TADA2A: variants seen among roughly 807,000 people sequenced by gnomAD.
TADA2A encodes the protein transcriptional adapter 2-alpha.
Under a neutral mutation model 67.4 loss-of-function variants are expected in TADA2A, and 38 were observed. The observed-to-expected ratio is 0.56, with a 90% CI of 0.44 to 0.74. The LOEUF (loss-of-function observed/expected upper bound fraction) is 0.74, where lower values mean the gene tolerates loss of function less well. TADA2A is among the 30% of genes least tolerant of loss of function. The pLI is 0.00. For synonymous variants in TADA2A, 192 were observed against 181.6 expected, an observed-to-expected ratio of 1.06 and a Z score of -0.46; for missense variants, 454 against 547.0, an observed-to-expected ratio of 0.83 and a Z score of 1.70.
chr17:37,442,522 A>G (rs1376056146), intron 6 of TADA2A, 42 bp from the exon 7 acceptor site: 7 of 1,480,068 alleles, frequency 4.7e-6, no homozygotes, highest in African/African-American at 4.2e-5. Context: ...TTTCATGCCA[A>G]TATTGTATTA....
intron 2 of TADA2A, among the ~76,000 whole-genome samples, chr17:37,422,287 AC>A (rs2052261983): frequency 6.9e-6 from 1 of 144,726 alleles, no homozygotes; most frequent in Non-Finnish European, 1.5e-5. Context: ...CTCATGATCC[AC>A]CCGCCTCGGC....
intron 7 of TADA2A, among the ~76,000 whole-genome samples, chr17:37,443,964 C>G (rs2898657): frequency 0.24 from 37,021 of 151,998 alleles, 4,603 homozygotes; most frequent in Middle Eastern, 0.36. Context: ...TGGCCAAATG[C>G]GGTAGCTTAC....
In TADA2A at chr17:37,439,984, C is replaced by T. The variant is rs190379767; in HGVS notation, c.285-521C>T. ...TTGAGATGGAGTTTCGCTCTTGTTG[C>T]CCAGACTGGAGTGCAATGGCGTGAT... On this transcript the variant is annotated intron_variant, in intron 5 of 15. Coordinates refer to ENST00000615182, the MANE Select transcript of TADA2A (RefSeq NM_001166105.3). Among the ~76,000 whole-genome samples the T allele has an allele frequency of 4.3e-3, 631 of 145,708 alleles. 3 individuals are homozygous for T. The highest frequency in any genetic ancestry group is 7.0e-3 in the Non-Finnish European group (470 of 67,020).
intron 5 of TADA2A, among the ~76,000 whole-genome samples, chr17:37,438,338 G>T (rs537085102): frequency 2.0e-4 from 30 of 152,124 alleles, no homozygotes; most frequent in Non-Finnish European, 4.3e-4. Context: ...GTTGACCTAG[G>T]GGGCAGCACC....
chr17:37,467,606 A>G, intron 12 of TADA2A, 81 bp downstream of exon 12: 1 of 1,274,858 alleles, frequency 7.8e-7, no homozygotes, highest in South Asian at 1.3e-5. Flanking sequence ...ATTGTTGTGA[A>G]TTTTTTTTTA....
intron 3 of TADA2A, 59 bp downstream of exon 3, chr17:37,423,674 T>TCTCCGAAATATTAC: frequency 1.6e-6 from 2 of 1,267,896 alleles, no homozygotes; most frequent in Non-Finnish European, 2.2e-6. Flanking sequence ...TATGATGTAA[T>TCTCCGAAATATTAC]ATTTCGGAGA....
intron 2 of TADA2A, among the ~76,000 whole-genome samples, chr17:37,411,682 G>T (rs1460261224): frequency 6.6e-6 from 1 of 151,556 alleles, no homozygotes; most frequent in African/African-American, 2.4e-5. Context: ...CACCCACCTC[G>T]GCCTCCCAAA....
chr17:37,430,512 G>A (rs770830368), intron 4 of TADA2A, among the ~76,000 whole-genome samples: 1 of 152,142 alleles, frequency 6.6e-6, no homozygotes, highest in South Asian at 2.1e-4. Flanking sequence ...TGAATTCTAT[G>A]CCTATTTTTG....
chr17:37,454,695 G>T, intron 8 of TADA2A: 1 of 340,952 alleles, frequency 2.9e-6, no homozygotes, highest in Non-Finnish European at 6.0e-6. Flanking sequence ...AAAAGAACCT[G>T]CTGAGCAGTC....
intron 15 of TADA2A, among the ~76,000 whole-genome samples, chr17:37,475,084 A>G (rs1171308457): frequency 2.0e-5 from 3 of 152,198 alleles, no homozygotes; most frequent in Non-Finnish European, 4.4e-5. Flanking sequence ...TCTCCAGAGC[A>G]TGTTTATAAA....
chr17:37,419,346 T>C lies in TADA2A; in HGVS notation c.26-4163T>C, dbSNP rs377588258. On this transcript the variant is annotated intron_variant, in intron 2 of 15. Transcript: ENST00000615182. ...ACTGCACCTGCCTAATTTTGTGGGG[T>C]TTTTTTTTGTAGAGACATGGTTTCA... is the stretch of plus-strand genomic sequence containing the variant. Among the ~76,000 whole-genome samples the C allele has an allele frequency of 3.5e-5, 5 of 141,082 alleles. 1 individual carries two copies. The East Asian group carries it at 1.1e-3, about 32-fold the overall frequency. 92.6% of individuals were successfully genotyped at this position (141,082 alleles called of 152,430 possible).
chr17:37,475,389 G>A (rs1305798311), intron 15 of TADA2A, among the ~76,000 whole-genome samples: 1 of 152,036 alleles, frequency 6.6e-6, no homozygotes, highest in East Asian at 1.9e-4. Flanking sequence ...TGTTGGCCAG[G>A]CTGATCTTGA....
intron 5 of TADA2A, among the ~76,000 whole-genome samples, chr17:37,438,257 C>T (rs1279043466): frequency 6.6e-6 from 1 of 152,162 alleles, no homozygotes; most frequent in Non-Finnish European, 1.5e-5. Context: ...TGATAGCATT[C>T]TCTGTTTTTA....
At position 37,465,556 on chromosome 17, in the gene TADA2A, A is replaced by T; in HGVS notation, c.823+15A>T. 1.2e-6 allele frequency: 2 copies of T among 1,614,006 alleles called. No homozygotes were observed. Among genetic ancestry groups the T allele is most frequent in the Non-Finnish European group, 1.7e-6 (2 of 1,179,988 alleles). On this transcript the variant is annotated intron_variant, in intron 11 of 15. Coordinates refer to ENST00000615182, the MANE Select transcript of TADA2A (RefSeq NM_001166105.3). Reference sequence around the variant, plus strand: ...AAGCCATGCATGTAGGTGGTTTTTGAGCCTTGAGCAGTATTTGTGTGTGTA... The same window carrying T: ...AAGCCATGCATGTAGGTGGTTTTTGTGCCTTGAGCAGTATTTGTGTGTGTA...
intron 8 of TADA2A, among the ~76,000 whole-genome samples, chr17:37,451,435 C>T (rs1568167147): frequency 1.3e-5 from 2 of 151,546 alleles, no homozygotes. Flanking sequence ...CCTCCCACCT[C>T]AGCCTCCCAA....
intron 2 of TADA2A, 131 bp from the exon 3 acceptor site, chr17:37,423,378 G>T: frequency 1.5e-6 from 1 of 649,682 alleles, no homozygotes. Context: ...TTTGTAATGA[G>T]CTCATCTTGT....
At chr17:37,434,024 G>C (rs543459820) in intron 4 of TADA2A, among the ~76,000 whole-genome samples, 1 of 152,112 alleles carries the variant, frequency 6.6e-6, no homozygotes, top group East Asian at 1.9e-4. Context: ...ATTTTATTCA[G>C]ATTTCTCCAG....
At chr17:37,441,310 G>GT (rs1002158314) in intron 6 of TADA2A, among the ~76,000 whole-genome samples, 1 of 152,078 alleles carries the variant, frequency 6.6e-6, no homozygotes, top group African/African-American at 2.4e-5. Context: ...ATGAGTGCAA[G>GT]TTTTTTTTCA....
At chr17:37,443,936 A>T (rs2052998599) in intron 7 of TADA2A, among the ~76,000 whole-genome samples, 1 of 152,208 alleles carries the variant, frequency 6.6e-6, no homozygotes, top group Non-Finnish European at 1.5e-5. Context: ...CATCTAATTC[A>T]CAACTTGAAA....
Sources: allele counts gnomAD v4.1 joint callset (sites outside exome capture counted in the v4.1 genomes callset), GRCh38; gene constraint gnomAD v4.1.1; transcripts MANE v1.5; gene names NCBI Gene and HGNC (gene_info 2026-07-23, HGNC 2026-07-21).